Variants in BICD1 observed in about 807,000 individuals in gnomAD.
The protein encoded by BICD1 is BICD cargo adaptor 1, also known as protein bicaudal D homolog 1.
In BICD1, 35 loss-of-function variants were observed where a neutral mutation model predicts 92.5. The ratio of observed to expected loss-of-function variants is 0.38; its 90% CI spans 0.29 to 0.50. The LOEUF (loss-of-function observed/expected upper bound fraction) is 0.50. BICD1 is among the 20% of genes least tolerant of loss of function. The pLI is 0.93. For synonymous variants in BICD1, 429 were observed against 465.1 expected (o/e 0.92, Z 1.00); for missense variants, 950 against 1,189.8 (o/e 0.80, Z 2.97).
Position 32,305,793 on chromosome 12 carries a change from A to T in BICD1, c.676A>T (p.Ile226Phe). Residue 226 changes from isoleucine to phenylalanine, a missense_variant, in exon 4 of 10, where the codon ATT becomes TTT. Ile to Phe is a conservative substitution (Grantham distance 21). Transcript: ENST00000652176. ...QLEDAIRLKEIAEHQLEEALE... is the reference protein window; with the variant it reads ...QLEDAIRLKEFAEHQLEEALE... Reference sequence around the variant, plus strand: ...GGAAGATGCCATCCGATTGAAAGAGATTGCTGAGCACCAACTGGAAGAAGC... The same window carrying T: ...GGAAGATGCCATCCGATTGAAAGAGTTTGCTGAGCACCAACTGGAAGAAGC... The T allele has an allele frequency of 6.2e-7, 1 of 1,614,200 alleles. No individual in the cohort carries two copies. The highest frequency in any genetic ancestry group is 8.5e-7 in the Non-Finnish European group (1 of 1,180,026).
intron 1 of BICD1, among the ~76,000 whole-genome samples, chr12:32,162,315 TCTA>T (rs907257671): frequency 1.3e-5 from 2 of 152,370 alleles, no homozygotes; most frequent in Admixed American, 1.3e-4. Context: ...CTGTATCTAT[TCTA>T]CTTCCTTAAA....
At chr12:32,191,159 C>T (rs1480691057) in intron 1 of BICD1, among the ~76,000 whole-genome samples, 2 of 152,078 alleles carry the variant, frequency 1.3e-5, no homozygotes, top group Non-Finnish European at 2.9e-5. Flanking sequence ...CCTAATTTCA[C>T]ACCCCAAGGA....
At chr12:32,228,516 G>A (rs1441352851) in intron 2 of BICD1, among the ~76,000 whole-genome samples, 3 of 152,222 alleles carry the variant, frequency 2.0e-5, no homozygotes. Flanking sequence ...GGAGCTACAG[G>A]AAGGTGCTGG....
chr12:32,233,765 A>G (rs1945974326), intron 2 of BICD1, among the ~76,000 whole-genome samples: 1 of 152,184 alleles, frequency 6.6e-6, no homozygotes, highest in South Asian at 2.1e-4. Context: ...AGTAATGCAT[A>G]GTCAGCATTC....
At chr12:32,296,715 G>A (rs1259905533) in intron 3 of BICD1, among the ~76,000 whole-genome samples, 1 of 152,180 alleles carries the variant, frequency 6.6e-6, no homozygotes, top group African/African-American at 2.4e-5. Flanking sequence ...AGCACGATCA[G>A]CAGCCTCCCT....
At chr12:32,343,975 T>C (rs892909457) in intron 8 of BICD1, among the ~76,000 whole-genome samples, 1 of 152,228 alleles carries the variant, frequency 6.6e-6, no homozygotes, top group Non-Finnish European at 1.5e-5. Flanking sequence ...ATTTATTTCA[T>C]TAATCCATTT....
chr12:32,330,739 A>G (rs1937823812), intron 5 of BICD1, among the ~76,000 whole-genome samples: 1 of 152,158 alleles, frequency 6.6e-6, no homozygotes, highest in Non-Finnish European at 1.5e-5. Flanking sequence ...ATAAATAACC[A>G]ATACCATATT....
At chr12:32,333,594 A>G (rs188295430) in intron 5 of BICD1, among the ~76,000 whole-genome samples, 2 of 152,220 alleles carry the variant, frequency 1.3e-5, no homozygotes, top group Non-Finnish European at 2.9e-5. Context: ...GTTCATTAGT[A>G]TGGGGTATTT....
intron 3 of BICD1, among the ~76,000 whole-genome samples, chr12:32,294,357 T>C (rs171884): frequency 0.47 from 71,812 of 152,016 alleles, 17,712 homozygotes; most frequent in Middle Eastern, 0.56. Flanking sequence ...ACTAAAGTTT[T>C]ATTGAATAAG....
chr12:32,214,550 A>G (rs1473819258), intron 1 of BICD1, among the ~76,000 whole-genome samples: 1 of 152,154 alleles, frequency 6.6e-6, no homozygotes, highest in East Asian at 1.9e-4. Flanking sequence ...CTTTTTCTCC[A>G]ACAGTTAGAA....
chr12:32,367,313 A>C (rs894839770), intron 8 of BICD1, among the ~76,000 whole-genome samples: 1 of 152,216 alleles, frequency 6.6e-6, no homozygotes, highest in Non-Finnish European at 1.5e-5. Context: ...CTAAGCAAGT[A>C]ACCACCACCA....
chr12:32,347,612 T>C (rs1316927987), intron 8 of BICD1, among the ~76,000 whole-genome samples: 3 of 151,012 alleles, frequency 2.0e-5, no homozygotes, highest in African/African-American at 7.3e-5. Context: ...CACTCCAGCC[T>C]GGGCAACAAG....
chr12:32,312,411 G>A (rs961760722), intron 4 of BICD1, among the ~76,000 whole-genome samples: 1 of 152,088 alleles, frequency 6.6e-6, no homozygotes, highest in Non-Finnish European at 1.5e-5. Flanking sequence ...CAAATGGGAT[G>A]GTAAATATGA....
chr12:32,116,176 T>TTA (rs1555125818), intron 1 of BICD1, among the ~76,000 whole-genome samples: 1 of 151,976 alleles, frequency 6.6e-6, no homozygotes, highest in Non-Finnish European at 1.5e-5. Context: ...GATTTTTTTT[T>TTA]ACCAGCTCTA....
chr12:32,117,290 A>G (rs756849840), intron 1 of BICD1, among the ~76,000 whole-genome samples: 12 of 152,102 alleles, frequency 7.9e-5, no homozygotes, highest in Non-Finnish European at 1.5e-4. Context: ...TTTGATTTTT[A>G]TCATTCCAGG....
chr12:32,370,788 T>G (rs1939709511), intron 9 of BICD1, among the ~76,000 whole-genome samples: 1 of 152,228 alleles, frequency 6.6e-6, no homozygotes, highest in Non-Finnish European at 1.5e-5. Context: ...ATCAATACTT[T>G]TTTAGTATCT....
chr12:32,271,584 GT>G (rs979725469), intron 2 of BICD1, among the ~76,000 whole-genome samples: 6 of 152,132 alleles, frequency 3.9e-5, no homozygotes, highest in Non-Finnish European at 8.8e-5. Flanking sequence ...CCTAAAACCA[GT>G]CAGATTGCTG....
intron 8 of BICD1, among the ~76,000 whole-genome samples, chr12:32,343,330 C>A (rs1397026316): frequency 6.6e-6 from 1 of 151,930 alleles, no homozygotes; most frequent in Non-Finnish European, 1.5e-5. Flanking sequence ...CCTCCTCCGT[C>A]CCCTCTTCCT....
chr12:32,152,309 C>T (rs1481435661), intron 1 of BICD1, among the ~76,000 whole-genome samples: 1 of 151,008 alleles, frequency 6.6e-6, no homozygotes, highest in African/African-American at 2.4e-5. Flanking sequence ...TGTGCCATGG[C>T]ATGATCATAG....
Sources: gnomAD v4.1 joint callset for allele counts (sites outside exome capture counted in the v4.1 genomes callset) on GRCh38, gnomAD v4.1.1 for gene constraint, MANE v1.5 for transcripts, NCBI Gene and HGNC (gene_info 2026-07-23, HGNC 2026-07-21) for gene names.